The following CTDP1 variants were observed in gnomAD, a reference collection of about 807,000 sequenced individuals.
CTDP1 encodes the protein RNA polymerase II subunit A C-terminal domain phosphatase.
A neutral mutation model predicts 91.8 loss-of-function variants in CTDP1; 47 were observed. The observed-to-expected ratio is 0.51, with a 90% CI of 0.41 to 0.65. CTDP1 has a LOEUF of 0.65. Among genes scored for constraint, CTDP1 ranks in the 30% least tolerant of loss-of-function variants. CTDP1 has a pLI of 0.00. For synonymous variants in CTDP1, 656 were observed against 598.5 expected (o/e 1.10, Z -1.40); for missense variants, 1,272 against 1,373.7 (o/e 0.93, Z 1.17).
rs892975880 is a variant in CTDP1 at position 79,754,093 on chromosome 18, G to C, written c.*303G>C. 5.2e-5 allele frequency: 23 copies of C among 439,986 alleles called. No homozygotes were observed. Among genetic ancestry groups the C allele is most frequent in the Admixed American group, 1.0e-4 (3 of 28,632 alleles). 27.3% of individuals were successfully genotyped at this position (439,986 alleles called of 1,614,324 possible). A position where few individuals can be genotyped will look rare whatever the true frequency, so the allele number is the denominator to read the frequency against. Reference sequence around the variant, plus strand: ...CGCTGTCTCGGTAAGGGGCGGGTTGGTGTGTTTTCCCCTTGTGTACCAGAG... The same window carrying C: ...CGCTGTCTCGGTAAGGGGCGGGTTGCTGTGTTTTCCCCTTGTGTACCAGAG... On this transcript the variant is annotated 3_prime_UTR_variant, in exon 13 of 13. Transcript: ENST00000613122.
At chr18:79,706,523 G>A (rs1397477315) in intron 5 of CTDP1, among the ~76,000 whole-genome samples, 2 of 151,820 alleles carry the variant, frequency 1.3e-5, no homozygotes, top group African/African-American at 2.4e-5. Flanking sequence ...TATTCCTCAC[G>A]CTCATCATAT....
upstream of CTDP1, chr18:79,679,508 C>T (rs1387354880): frequency 2.2e-6 from 1 of 457,528 alleles, no homozygotes; most frequent in South Asian, 1.5e-5. Context: ...GCGTTGAACG[C>T]TGGGACTCGT....
downstream of CTDP1, chr18:79,755,679 A>G (rs1206696573): frequency 6.6e-6 from 1 of 152,230 alleles, no homozygotes; most frequent in Non-Finnish European, 1.5e-5. Flanking sequence ...GCTGGGACCA[A>G]GGTGGCCCCT....
intron 4 of CTDP1, 130 bp downstream of exon 4, chr18:79,698,118 C>G (rs370055344): frequency 1.3e-5 from 18 of 1,370,038 alleles, no homozygotes; most frequent in Admixed American, 2.0e-5. Context: ...AGCAGACTTG[C>G]TAGTTCTGGG....
At chr18:79,701,563 AAATAAAT>A (rs1312341184) in intron 4 of CTDP1, among the ~76,000 whole-genome samples, 1,914 of 145,774 alleles carry the variant, frequency 0.013, 46 homozygotes, top group African/African-American at 0.046. Context: ...ATAAATAAAT[AAATAAAT>A]AAAAGAGCTA....
At chr18:79,689,884 G>C (rs550281462) in intron 1 of CTDP1, among the ~76,000 whole-genome samples, 1 of 152,302 alleles carries the variant, frequency 6.6e-6, no homozygotes, top group African/African-American at 2.4e-5. Flanking sequence ...ACTTATCCCA[G>C]CTGTGGCCGG....
chr18:79,748,338 G>A (rs2086921649), intron 12 of CTDP1, among the ~76,000 whole-genome samples: 3 of 152,192 alleles, frequency 2.0e-5, no homozygotes, highest in African/African-American at 4.8e-5. Context: ...GAGCGAGACC[G>A]AGGGTGCAGC....
chr18:79,748,937 TG>T (rs2086938251), intron 12 of CTDP1, among the ~76,000 whole-genome samples: 1 of 151,292 alleles, frequency 6.6e-6, no homozygotes, highest in Admixed American at 6.6e-5. Flanking sequence ...TGAGCCGTGT[TG>T]GTGCATGTGC....
At chr18:79,708,947 CG>C (rs2086024112) in intron 5 of CTDP1, among the ~76,000 whole-genome samples, 1 of 152,208 alleles carries the variant, frequency 6.6e-6, no homozygotes, top group Non-Finnish European at 1.5e-5. Flanking sequence ...GTTAAATGAT[CG>C]AATACCCTTA....
intron 5 of CTDP1, among the ~76,000 whole-genome samples, chr18:79,705,534 T>TCCACGTGGACGAAGCAACGTCTGTC (rs527715546): frequency 6.6e-6 from 1 of 151,620 alleles, no homozygotes; most frequent in Non-Finnish European, 1.5e-5. Context: ...GACCGTCTGT[T>TCCACGTGGACGAAGCAACGTCTGTC]CCACGTGGAC....
rs769648927 is a variant in CTDP1, at chr18:79,715,081, C to G, written c.1621C>G (p.Leu541Val). 1 of 1,612,900 alleles carries G rather than the reference C, an allele frequency of 6.2e-7. No homozygotes were observed. ...GCAGGAGGAGGGCGAGCGGGATGGC[C>G]TCTGCGGCCTGGGCAACGGCTGTGC... ...GGQEEGERDG[L>V]CGLGNGCADR... Residue 541 changes from leucine (L) to valine (V), a missense_variant, in exon 8 of 13, where the codon CTC (leucine) becomes GTC (valine). Physicochemically the swap from Leu to Val is conservative, Grantham distance 32 (BLOSUM62 1). Around this residue, in one of 3 missense-constraint regions of CTDP1, gnomAD observed 881 missense variants for 911.6 expected, o/e 0.97. Coordinates refer to ENST00000613122, the MANE Select transcript of CTDP1 (RefSeq NM_004715.5).
Position 79,714,693 on chromosome 18 carries a change from G to C in CTDP1, c.1233G>C (p.Gln411His). ...PDERDIWPPA[Q>H]APTSSQELAG... ...AGAGGGACATCTGGCCCCCTGCCCA[G>C]GCCCCCACCAGCAGCCAAGAGCTGG... The change falls in exon 8 of 13, where the codon CAG (glutamine) becomes CAC (histidine). Residue 411 changes from glutamine to histidine, a missense_variant. Gln to His is a conservative substitution (Grantham distance 24). Around this residue, in one of 3 missense-constraint regions of CTDP1, gnomAD observed 881 missense variants for 911.6 expected, o/e 0.97. Coordinates refer to ENST00000613122, the MANE Select transcript of CTDP1 (RefSeq NM_004715.5). The C allele has an allele frequency of 2.5e-6, 4 of 1,609,820 alleles. No homozygotes were observed. Among genetic ancestry groups the C allele is most frequent in the Non-Finnish European group, 3.4e-6 (4 of 1,178,642 alleles).
intron 10 of CTDP1, among the ~76,000 whole-genome samples, chr18:79,720,263 A>ATCGTGT (rs2086312065): frequency 7.8e-6 from 1 of 128,746 alleles, no homozygotes; most frequent in African/African-American, 3.0e-5. Flanking sequence ...GTCACCTCCC[A>ATCGTGT]TCATTAGGAG....
At chr18:79,690,686 A>G (rs1043670547) in intron 1 of CTDP1, among the ~76,000 whole-genome samples, 1 of 152,158 alleles carries the variant, frequency 6.6e-6, no homozygotes, top group Non-Finnish European at 1.5e-5. Context: ...CTTTGCACAC[A>G]CAGACATTCT....
At chr18:79,746,895 G>T (rs754995137) in intron 12 of CTDP1, among the ~76,000 whole-genome samples, 22 of 152,192 alleles carry the variant, frequency 1.4e-4, no homozygotes, top group Non-Finnish European at 2.5e-4. Flanking sequence ...CTCCCAAAGT[G>T]CTGGACCTAC....
upstream of CTDP1, chr18:79,679,227 G>C (rs929753246): frequency 5.5e-5 from 19 of 347,874 alleles, no homozygotes; most frequent in Non-Finnish European, 9.2e-5. Flanking sequence ...CTTCCGCATC[G>C]AAGGTGAGGT....
chr18:79,750,294 T>A (rs1731707734), intron 12 of CTDP1, among the ~76,000 whole-genome samples: 1 of 151,604 alleles, frequency 6.6e-6, no homozygotes, highest in South Asian at 2.1e-4. Context: ...CAGAGGATCC[T>A]TTTTCCTCAG....
intron 1 of CTDP1, among the ~76,000 whole-genome samples, chr18:79,680,569 T>G (rs2085342139): frequency 6.6e-6 from 1 of 152,244 alleles, no homozygotes; most frequent in African/African-American, 2.4e-5. Context: ...GCTCCACCTT[T>G]GTGACTTAGG....
At position 79,708,770 on chromosome 18, in the gene CTDP1, C is replaced by T. The variant is rs145145527; in HGVS notation, c.773-1576C>T. Among the ~76,000 whole-genome samples, 913 of 152,356 alleles carry T rather than the reference C, an allele frequency of 6.0e-3. 5 individuals are homozygous for T. Among genetic ancestry groups the T allele is most frequent in the Non-Finnish European group, 9.3e-3 (636 of 68,030 alleles). On this transcript the variant is annotated intron_variant, in intron 5 of 12. Coordinates refer to ENST00000613122, the MANE Select transcript of CTDP1 (RefSeq NM_004715.5). ...GCTCACTCTTGTGCAATCCAGTCCC[C>T]GTTTTGTTCCACGGCACCTGCACGT... is the stretch of plus-strand genomic sequence containing the variant.
Sources: gnomAD v4.1 joint callset for allele counts (sites outside exome capture counted in the v4.1 genomes callset) on GRCh38, gnomAD v4.1.1 for gene constraint, gnomAD v4.1.1 regional missense constraint, MANE v1.5 for transcripts, NCBI Gene and HGNC (gene_info 2026-07-23, HGNC 2026-07-21) for gene names.